SLC9B2: variants seen among roughly 807,000 people sequenced by gnomAD.
SLC9B2 encodes sodium/hydrogen exchanger 9B2.
In SLC9B2, 39 loss-of-function variants were observed where a neutral mutation model predicts 52.2. That is an observed-to-expected ratio of 0.75 (90% confidence interval 0.58 to 0.98). SLC9B2 has a LOEUF of 0.98. Among genes scored for constraint, SLC9B2 ranks in the 50% least tolerant of loss-of-function variants. The pLI is 0.00. For synonymous variants in SLC9B2, 214 were observed against 227.0 expected, an observed-to-expected ratio of 0.94 and a Z score of 0.51; for missense variants, 626 against 637.5, an observed-to-expected ratio of 0.98 and a Z score of 0.19.
At chr4:103,037,590 A>G (rs1317802541) in intron 9 of SLC9B2, among the ~76,000 whole-genome samples, 1 of 152,184 alleles carries the variant, frequency 6.6e-6, no homozygotes, top group African/African-American at 2.4e-5. Flanking sequence ...TGATTTATTT[A>G]ATAGTTCTGT....
intron 4 of SLC9B2, among the ~76,000 whole-genome samples, chr4:103,055,056 C>T (rs1375263206): frequency 6.6e-6 from 1 of 152,036 alleles, no homozygotes; most frequent in Admixed American, 6.6e-5. Context: ...TACTATGCAG[C>T]CATAAAAAAT....
chr4:103,048,704 C>G (rs1273850836), intron 6 of SLC9B2, 189 bp downstream of exon 6: 1 of 650,036 alleles, frequency 1.5e-6, no homozygotes, highest in Non-Finnish European at 2.4e-6. Flanking sequence ...TAGGTGCTAA[C>G]TGTAAGAGTT....
Position 103,043,365 on chromosome 4 carries a change from G to A in SLC9B2, c.1077C>T (p.Phe359=), listed in dbSNP as rs1411277249. ...LAVFSSVHFG[F]PGSGGLCTLV... Reference sequence around the variant, plus strand: ...ACGTGCACAGTCCTCCTGATCCAGGGAAACCAAAATGCACACTGCTGAACA... The same window carrying A: ...ACGTGCACAGTCCTCCTGATCCAGGAAAACCAAAATGCACACTGCTGAACA... Residue 359 remains phenylalanine (F), a synonymous_variant, in exon 9 of 12, where the codon TTC becomes TTT. Transcript: ENST00000394785. 9.3e-6 allele frequency: 15 copies of A among 1,613,692 alleles called. No individual in the cohort carries two copies. Among genetic ancestry groups the A allele is most frequent in the South Asian group, 2.2e-5 (2 of 91,046 alleles).
rs1744414331 is a variant in SLC9B2, at chr4:103,048,956, C to T, written c.650G>A (p.Cys217Tyr). Reference sequence around the variant, plus strand: ...GTAATGGGCAAGAAGAGCAGATGTGCACGCCTCCACAATACAGGGACCCAT... The same window carrying T: ...GTAATGGGCAAGAAGAGCAGATGTGTACGCCTCCACAATACAGGGACCCAT... ...LSMGPCIVEA[C>Y]TSALLAHYLL... The change falls in exon 6 of 12, where the codon TGC becomes TAC. Residue 217 changes from cysteine (C) to tyrosine (Y), a missense_variant. Transcript: ENST00000394785. 7 of 1,613,978 alleles carry T rather than the reference C, an allele frequency of 4.3e-6. No homozygotes were observed. Among genetic ancestry groups the T allele is most frequent in the Non-Finnish European group, 5.1e-6 (6 of 1,179,904 alleles).
At chr4:103,054,522 TATCTTA>T (rs1744957113) in intron 4 of SLC9B2, among the ~76,000 whole-genome samples, 1 of 152,176 alleles carries the variant, frequency 6.6e-6, no homozygotes, top group Admixed American at 6.5e-5. Flanking sequence ...GGCCAATGAA[TATCTTA>T]GGCTTTGTGG....
chr4:103,067,640 G>T, intron 1 of SLC9B2, 48 bp from the exon 2 acceptor site: 1 of 1,032,700 alleles, frequency 9.7e-7, no homozygotes, highest in Non-Finnish European at 1.5e-6. Flanking sequence ...AAAGTCTTGT[G>T]ATTTCAAAGA....
At chr4:103,035,821 C>T (rs970996654) in intron 9 of SLC9B2, among the ~76,000 whole-genome samples, 9 of 152,122 alleles carry the variant, frequency 5.9e-5, no homozygotes, top group East Asian at 1.9e-4. Context: ...GACACATGAA[C>T]GTGTACGTTC....
At chr4:103,071,580 T>C (rs1420868631) in intron 1 of SLC9B2, among the ~76,000 whole-genome samples, 1 of 152,110 alleles carries the variant, frequency 6.6e-6, no homozygotes, top group Non-Finnish European at 1.5e-5. Context: ...GGTTTCACCA[T>C]GTTGGCCAGG....
intron 6 of SLC9B2, among the ~76,000 whole-genome samples, chr4:103,047,817 G>A (rs1744307948): frequency 6.6e-6 from 1 of 151,952 alleles, no homozygotes; most frequent in African/African-American, 2.4e-5. Context: ...TCTTTCAAAT[G>A]GCAGAGAAGC....
downstream of SLC9B2, chr4:103,019,603 A>T (rs1273961341): frequency 7.1e-6 from 7 of 985,364 alleles, no homozygotes; most frequent in Admixed American, 1.2e-4. Context: ...CCGTACCTAC[A>T]ACTTCTTTCG....
At chr4:103,047,328 C>T (rs533465006) in intron 6 of SLC9B2, 102 bp from the exon 7 acceptor site, 4 of 941,672 alleles carry the variant, frequency 4.2e-6, no homozygotes, top group Admixed American at 3.3e-5. Flanking sequence ...TGGACAACAA[C>T]AGTCTTTCTT....
At chr4:103,019,747 C>T (rs1741658327), downstream of SLC9B2, 6 of 985,434 alleles carry the variant, frequency 6.1e-6, no homozygotes, top group Admixed American at 6.1e-5. Context: ...GGCGAGGAGG[C>T]GGCAGCGCGT....
In SLC9B2 at chr4:103,043,454, G is replaced by GA; in HGVS notation, c.997-10dup. ...TTACACACAAGTTTGTCCTTTAGGA[G>GA]AAAAAAATTCATTTGCTCAATTATT... On this transcript the variant is annotated splice_polypyrimidine_tract_variant and intron_variant, in intron 8 of 11. Coordinates refer to ENST00000394785, the MANE Select transcript of SLC9B2 (RefSeq NM_178833.7). The GA allele has an allele frequency of 6.3e-7, 1 of 1,581,316 alleles. No individual in the cohort carries two copies. The highest frequency in any genetic ancestry group is 2.3e-5 in the East Asian group (1 of 44,418).
chr4:103,039,915 G>A (rs1252525065), intron 9 of SLC9B2, among the ~76,000 whole-genome samples: 1 of 151,706 alleles, frequency 6.6e-6, no homozygotes, highest in Non-Finnish European at 1.5e-5. Context: ...CAAAGTGCTG[G>A]GATTACAGGT....
intron 9 of SLC9B2, among the ~76,000 whole-genome samples, chr4:103,033,659 A>G (rs1742900718): frequency 6.6e-6 from 1 of 152,182 alleles, no homozygotes; most frequent in Non-Finnish European, 1.5e-5. Context: ...ATTTCTATAC[A>G]CAAATAACGT....
intron 4 of SLC9B2, among the ~76,000 whole-genome samples, chr4:103,056,873 G>T (rs1348893740): frequency 6.6e-6 from 1 of 152,178 alleles, no homozygotes; most frequent in Non-Finnish European, 1.5e-5. Context: ...CACATATCAT[G>T]AATGAGCAAG....
At position 103,067,489 on chromosome 4, in the gene SLC9B2, T is replaced by A; in HGVS notation, c.62A>T (p.Tyr21Phe). The A allele has an allele frequency of 6.2e-7, 1 of 1,613,518 alleles. No homozygotes were observed. The highest frequency in any genetic ancestry group is 8.5e-7 in the Non-Finnish European group (1 of 1,179,572). The change falls in exon 2 of 12, where the codon TAC (tyrosine) becomes TTC (phenylalanine). Residue 21 changes from tyrosine to phenylalanine, a missense_variant. Coordinates refer to ENST00000394785, the MANE Select transcript of SLC9B2 (RefSeq NM_178833.7). ...TGCTTCTTGATGCATGGAGGGCGTG[T>A]AATTCATTCCTGTGGATGGTTCTGA... The part of the protein sequence containing the change: ...EDSEPSTGMN[Y>F]TPSMHQEAQE...
chr4:103,062,777 A>AT (rs554878352), intron 3 of SLC9B2, among the ~76,000 whole-genome samples: 1 of 152,004 alleles, frequency 6.6e-6, no homozygotes, highest in South Asian at 2.1e-4. Flanking sequence ...TGCATGGCTA[A>AT]TTTTTTGTAT....
At chr4:103,066,096 G>A (rs1259326242) in intron 3 of SLC9B2, among the ~76,000 whole-genome samples, 1 of 152,174 alleles carries the variant, frequency 6.6e-6, no homozygotes, top group African/African-American at 2.4e-5. Context: ...TCCCACAATG[G>A]TGGTGACCAC....
Sources: allele counts gnomAD v4.1 joint callset (sites outside exome capture counted in the v4.1 genomes callset), GRCh38; gene constraint gnomAD v4.1.1; transcripts MANE v1.5; gene names NCBI Gene and HGNC (gene_info 2026-07-23, HGNC 2026-07-21).